RGPD2: variants seen among roughly 807,000 people sequenced by gnomAD.
RGPD2 encodes RANBP2 like and GRIP domain containing 2.
RGPD2 carries 2 observed loss-of-function variants against 36.0 expected under a neutral mutation model. That is an observed-to-expected ratio of 0.06 (90% CI 0.02 to 0.17). The LOEUF (loss-of-function observed/expected upper bound fraction) is 0.17, where lower values mean the gene tolerates loss of function less well. Among genes scored for constraint, RGPD2 ranks in the 10% least tolerant of loss-of-function variants. The pLI, the probability that RGPD2 is intolerant of heterozygous loss-of-function variation, is 1.00. For missense variants in RGPD2, 40 were observed against 464.3 expected, an observed-to-expected ratio of 0.09 and a Z score of 8.40; for synonymous variants, 19 against 163.8, an observed-to-expected ratio of 0.12 and a Z score of 6.75.
the RGPD2 span, among the ~76,000 whole-genome samples, chr2:87,955,274 C>G: frequency 2.7e-5 from 4 of 148,420 alleles, no homozygotes; most frequent in African/African-American, 1.0e-4. Context: ...CACAGCCTCC[C>G]AAAGTGCTGG....
chr2:87,839,524 A>G, the RGPD2 span, among the ~76,000 whole-genome samples: 1 of 152,050 alleles, frequency 6.6e-6, no homozygotes, highest in Non-Finnish European at 1.5e-5. Flanking sequence ...ATCAACATAG[A>G]TGCCCATCAG....
chr2:87,915,323 A>G, the RGPD2 span, among the ~76,000 whole-genome samples: 1 of 115,554 alleles, frequency 8.7e-6, no homozygotes, highest in Non-Finnish European at 1.7e-5. Flanking sequence ...TATGTATATT[A>G]TATATATTGT....
chr2:87,888,567 C>A, the RGPD2 span, among the ~76,000 whole-genome samples: 17 of 71,092 alleles, frequency 2.4e-4, no homozygotes, highest in Non-Finnish European at 4.5e-4. Flanking sequence ...AAATGTATTT[C>A]TTCTTAAAAA....
At chr2:87,905,264 G>A in the RGPD2 span, among the ~76,000 whole-genome samples, 3 of 152,232 alleles carry the variant, frequency 2.0e-5, no homozygotes, top group Non-Finnish European at 1.5e-5. Flanking sequence ...TCACTGAACT[G>A]GAGACCAGTA....
At chr2:87,781,456 G>T (rs866665470) in intron 20 of RGPD2, among the ~76,000 whole-genome samples, 2,742 of 110,670 alleles carry the variant, frequency 0.025, 48 homozygotes, top group Middle Eastern at 0.097. Context: ...GGTTTTTTTT[G>T]TTTTTTTGTT....
upstream of RGPD2, among the ~76,000 whole-genome samples, chr2:87,830,300 T>G (rs1172032064): frequency 2.0e-5 from 3 of 152,250 alleles, no homozygotes; most frequent in Non-Finnish European, 2.9e-5. Context: ...TGCCTGGACA[T>G]CCAGGCATTT....
chr2:87,980,288 T>C, the RGPD2 span, among the ~76,000 whole-genome samples: 2 of 76,276 alleles, frequency 2.6e-5, no homozygotes, highest in Non-Finnish European at 5.6e-5. Context: ...GAGGCGGAGA[T>C]TGCAGTGAGC....
the RGPD2 span, among the ~76,000 whole-genome samples, chr2:87,831,033 A>G: frequency 1.3e-5 from 2 of 152,232 alleles, no homozygotes; most frequent in Non-Finnish European, 2.9e-5. Flanking sequence ...GCATGAAATA[A>G]AACACGAGAA....
At chr2:87,979,173 G>T in the RGPD2 span, among the ~76,000 whole-genome samples, 1 of 151,928 alleles carries the variant, frequency 6.6e-6, no homozygotes, top group African/African-American at 2.4e-5. Context: ...GTCAGAGGTT[G>T]CAGTGAGCCG....
intron 21 of RGPD2, among the ~76,000 whole-genome samples, chr2:87,772,770 T>G (rs1685165923): frequency 6.8e-6 from 1 of 146,960 alleles, no homozygotes; most frequent in Admixed American, 6.8e-5. Context: ...CGTCAAGACA[T>G]TCTCACGAGA....
intron 22 of RGPD2, among the ~76,000 whole-genome samples, chr2:87,769,454 C>T (rs1457378636): frequency 4.0e-5 from 6 of 149,918 alleles, no homozygotes; most frequent in African/African-American, 1.5e-4. Context: ...ACCAAATGCA[C>T]ATCTTAGAGT....
At chr2:87,984,044 C>T in the RGPD2 span, among the ~76,000 whole-genome samples, 1 of 147,730 alleles carries the variant, frequency 6.8e-6, no homozygotes, top group African/African-American at 2.5e-5. Flanking sequence ...TTACTTTGGC[C>T]ACTGGTCTGA....
the RGPD2 span, among the ~76,000 whole-genome samples, chr2:87,847,006 A>G: frequency 6.6e-6 from 1 of 150,760 alleles, no homozygotes; most frequent in Non-Finnish European, 1.5e-5. Context: ...TTTAATGACA[A>G]TGCAGTTGTG....
the RGPD2 span, among the ~76,000 whole-genome samples, chr2:87,880,133 G>C: frequency 7.5e-6 from 1 of 133,976 alleles, no homozygotes; most frequent in Non-Finnish European, 1.6e-5. Flanking sequence ...GTCTATTCAA[G>C]TTCTTTACCA....
chr2:87,964,457 T>C, the RGPD2 span, among the ~76,000 whole-genome samples: 1 of 152,130 alleles, frequency 6.6e-6, no homozygotes, highest in Non-Finnish European at 1.5e-5. Context: ...TTGCACTACA[T>C]TTTATTGTAC....
chr2:87,977,918 C>G, the RGPD2 span, among the ~76,000 whole-genome samples: 6 of 151,540 alleles, frequency 4.0e-5, no homozygotes, highest in Non-Finnish European at 7.4e-5. Context: ...GAGTTCAAGA[C>G]CAGCCTGTCC....
chr2:87,957,321 A>T, the RGPD2 span, among the ~76,000 whole-genome samples: 2 of 144,364 alleles, frequency 1.4e-5, no homozygotes, highest in Admixed American at 6.9e-5. Context: ...TCTGCCAGCC[A>T]CATGAAGACA....
At chr2:87,809,288 G>GAC (rs1236736968) in intron 6 of RGPD2, among the ~76,000 whole-genome samples, 1 of 151,252 alleles carries the variant, frequency 6.6e-6, no homozygotes, top group African/African-American at 2.4e-5. Context: ...CTGGGCAACA[G>GAC]AGCGAGACTC....
At chr2:87,921,840 G>A in the RGPD2 span, among the ~76,000 whole-genome samples, 2 of 152,118 alleles carry the variant, frequency 1.3e-5, no homozygotes, top group Non-Finnish European at 2.9e-5. Context: ...ACTGCCCACA[G>A]TCAGAGGAAG....
Sources: gnomAD v4.1 joint callset for allele counts (sites outside exome capture counted in the v4.1 genomes callset) on GRCh38, gnomAD v4.1.1 for gene constraint, MANE v1.5 for transcripts, NCBI Gene and HGNC (gene_info 2026-07-23, HGNC 2026-07-21) for gene names.